The following CFAP47 variants were observed in gnomAD, a reference collection of about 807,000 sequenced individuals.
CFAP47 encodes the protein cilia and flagella associated protein 47, also known as cilia- and flagella-associated protein 47.
In CFAP47, 29 loss-of-function variants were observed where a neutral mutation model predicts 148.1. The observed-to-expected ratio is 0.20, with a 90% CI of 0.15 to 0.27. CFAP47 has a LOEUF of 0.27. CFAP47 is among the 10% of genes least tolerant of loss of function. The probability of loss-of-function intolerance (pLI) is 1.00; values close to 1 mark genes in which losing one functional copy is unlikely to be tolerated. For missense variants in CFAP47, 1,872 were observed against 1,697.5 expected, an observed-to-expected ratio of 1.10 and a Z score of -1.81; for synonymous variants, 664 against 577.3, an observed-to-expected ratio of 1.15 and a Z score of -2.15.
chrX:36,171,379 G>A (rs1262224581), intron 39 of CFAP47, among the ~76,000 whole-genome samples: 1 of 111,009 alleles, frequency 9.0e-6, no homozygotes, highest in Non-Finnish European at 1.9e-5. Context: ...GCCCATGCTT[G>A]TGTCCTGAAT....
intron 58 of CFAP47, among the ~76,000 whole-genome samples, chrX:36,349,076 T>G (rs1030118245): frequency 9.0e-5 from 10 of 111,165 alleles, no homozygotes; most frequent in Non-Finnish European, 1.5e-4. Context: ...ACTTAATATT[T>G]TGCTCAATAA....
rs60595897 is a variant in CFAP47 at position 36,248,496 on chromosome X, T to TCACACACACACACA, written c.7333-2822_7333-2809dup. Among the ~76,000 whole-genome samples, 134 of 95,455 alleles carry TCACACACACACACA rather than the reference T, an allele frequency of 1.4e-3. 1 individual carries two copies. Among genetic ancestry groups the TCACACACACACACA allele is most frequent in the African/African-American group, 5.0e-3 (129 of 25,590 alleles). The allele number at this position is 95,455 out of a possible 115,157, so 82.9% of individuals were successfully genotyped here. A position where few individuals can be genotyped will look rare whatever the true frequency, so the allele number is the denominator to read the frequency against. On this transcript the variant is annotated intron_variant, in intron 48 of 63. Coordinates refer to ENST00000378653, the MANE Select transcript of CFAP47 (RefSeq NM_001304548.2). The stretch of plus-strand genomic sequence containing the variant: ...TATTTTAAAAATATCACATATTATA[T>TCACACACACACACA]CACACACACACACACACACACACAC...
intron 22 of CFAP47, among the ~76,000 whole-genome samples, chrX:36,023,241 C>T (rs1201685407): frequency 8.9e-6 from 1 of 112,400 alleles, no homozygotes; most frequent in African/African-American, 3.2e-5. Flanking sequence ...TGATTTTGGA[C>T]AAGATCCAGA....
At chrX:36,220,530 T>C (rs1940203817) in intron 45 of CFAP47, among the ~76,000 whole-genome samples, 1 of 110,271 alleles carries the variant, frequency 9.1e-6, no homozygotes, top group Admixed American at 9.7e-5. Context: ...CTATCTACAT[T>C]TAATAGGTAG....
intron 10 of CFAP47, among the ~76,000 whole-genome samples, chrX:35,970,306 A>G (rs896962759): frequency 6.3e-5 from 7 of 111,344 alleles, no homozygotes; most frequent in Non-Finnish European, 1.9e-5. Context: ...TGGTTATTTC[A>G]TAAGTTGTGA....
chrX:36,243,639 A>ATGTGTG (rs1403598585), intron 48 of CFAP47, among the ~76,000 whole-genome samples: 25 of 52,488 alleles, frequency 4.8e-4, no homozygotes, highest in African/African-American at 2.6e-3. Flanking sequence ...TAACTATTAT[A>ATGTGTG]TGTGTGTGTA....
chrX:35,999,757 G>A (rs1936892956), intron 19 of CFAP47, among the ~76,000 whole-genome samples: 1 of 111,491 alleles, frequency 9.0e-6, no homozygotes, highest in Admixed American at 9.6e-5. Context: ...ATCAGGTGTT[G>A]GTTGGAAATA....
chrX:36,251,417 C>T lies in CFAP47; in HGVS notation c.7417C>T (p.Arg2473Cys), dbSNP rs1433233031. The T allele has an allele frequency of 7.9e-6, 4 of 504,433 alleles. No individual in the cohort carries two copies. The highest frequency in any genetic ancestry group is 3.7e-5 in the East Asian group (1 of 27,188). 41.6% of individuals were successfully genotyped at this position (504,433 alleles called of 1,213,427 possible). A position where few individuals can be genotyped will look rare whatever the true frequency, so the allele number is the denominator to read the frequency against. The change falls in exon 49 of 64, where the codon CGC becomes TGC. Residue 2473 changes from arginine (R) to cysteine (C), a missense_variant. Coordinates refer to ENST00000378653, the MANE Select transcript of CFAP47 (RefSeq NM_001304548.2). ...YKEILYLIHV[R>C]PWKRGILKGT... ...AGAAATTCTGTACCTGATTCATGTG[C>T]GCCCTTGGAAACGTGGTATATTGAA...
At chrX:36,074,828 T>C (rs979208748) in intron 29 of CFAP47, among the ~76,000 whole-genome samples, 8 of 111,792 alleles carry the variant, frequency 7.2e-5, no homozygotes, top group African/African-American at 2.3e-4. Flanking sequence ...CATTTCACTC[T>C]CAGCTTCAAT....
At chrX:36,022,282 A>G (rs1008723775) in intron 22 of CFAP47, among the ~76,000 whole-genome samples, 6 of 111,396 alleles carry the variant, frequency 5.4e-5, no homozygotes, top group African/African-American at 1.6e-4. Flanking sequence ...TTTCTTCAGT[A>G]CTTTAAATAT....
intron 45 of CFAP47, among the ~76,000 whole-genome samples, chrX:36,210,364 C>G (rs782497906): frequency 8.9e-6 from 1 of 112,052 alleles, no homozygotes; most frequent in Non-Finnish European, 1.9e-5. Flanking sequence ...ATAGGCAACA[C>G]TTGTTATTGT....
chrX:36,133,599 A>G (rs1029874605), intron 33 of CFAP47, among the ~76,000 whole-genome samples: 1 of 110,536 alleles, frequency 9.0e-6, no homozygotes, highest in Non-Finnish European at 1.9e-5. Context: ...CAGAGCTCTC[A>G]TGATCTAATT....
At chrX:36,345,133 T>A (rs1910211463) in intron 57 of CFAP47, among the ~76,000 whole-genome samples, 1 of 112,131 alleles carries the variant, frequency 8.9e-6, no homozygotes, top group Admixed American at 9.5e-5. Flanking sequence ...ACCTTCATAA[T>A]GTATAACTTT....
intron 33 of CFAP47, among the ~76,000 whole-genome samples, chrX:36,125,519 A>G (rs1938820496): frequency 8.9e-6 from 1 of 112,231 alleles, no homozygotes; most frequent in Non-Finnish European, 1.9e-5. Flanking sequence ...TTACATAAAT[A>G]TACATATACA....
At chrX:36,002,748 G>T (rs1936931137) in intron 21 of CFAP47, among the ~76,000 whole-genome samples, 1 of 111,463 alleles carries the variant, frequency 9.0e-6, no homozygotes, top group Non-Finnish European at 1.9e-5. Flanking sequence ...AATAGGTATA[G>T]ATTAGAATTA....
chrX:36,020,440 ACT>A (rs1422581015), intron 22 of CFAP47, among the ~76,000 whole-genome samples: 13 of 110,987 alleles, frequency 1.2e-4, no homozygotes, highest in Admixed American at 1.1e-3. Flanking sequence ...AGTGTTGAAG[ACT>A]CTAGCTATTA....
intron 58 of CFAP47, among the ~76,000 whole-genome samples, chrX:36,348,631 A>C (rs1556016970): frequency 9.0e-6 from 1 of 111,023 alleles, no homozygotes; most frequent in African/African-American, 3.3e-5. Flanking sequence ...CTAACATAAT[A>C]AATAATCAGT....
intron 8 of CFAP47, among the ~76,000 whole-genome samples, chrX:35,961,395 G>T (rs1431143554): frequency 9.0e-6 from 1 of 111,596 alleles, no homozygotes; most frequent in Non-Finnish European, 1.9e-5. Context: ...TGAAGGATTG[G>T]CACTAATTCT....
chrX:36,126,077 AATTATTATT>A (rs374859962), intron 33 of CFAP47, among the ~76,000 whole-genome samples: 1 of 107,171 alleles, frequency 9.3e-6, no homozygotes, highest in African/African-American at 3.4e-5. Flanking sequence ...TTCCCTTCAA[AATTATTATT>A]ATTATTATTA....
Sources: gnomAD v4.1 joint callset for allele counts (sites outside exome capture counted in the v4.1 genomes callset) on GRCh38, gnomAD v4.1.1 for gene constraint, MANE v1.5 for transcripts, NCBI Gene and HGNC (gene_info 2026-07-23, HGNC 2026-07-21) for gene names.